The following AMOT variants were observed in gnomAD, a reference collection of about 807,000 sequenced individuals.
AMOT encodes angiomotin.
A neutral mutation model predicts 67.0 loss-of-function variants in AMOT; 11 were observed. That is an observed-to-expected ratio of 0.16 (90% CI 0.10 to 0.27). The LOEUF (loss-of-function observed/expected upper bound fraction) is 0.27, where lower values mean the gene tolerates loss of function less well. Among genes scored for constraint, AMOT ranks in the 10% least tolerant of loss-of-function variants. AMOT has a pLI of 1.00. For synonymous variants in AMOT, 326 were observed against 321.4 expected, an observed-to-expected ratio of 1.01 and a Z score of -0.15; for missense variants, 753 against 852.0, an observed-to-expected ratio of 0.88 and a Z score of 1.45.
At position 112,822,951 on chromosome X, in the gene AMOT, C is replaced by T. The variant is rs1179414667; in HGVS notation, c.176G>A (p.Ser59Asn). The change falls in exon 4 of 14, where the codon AGT becomes AAT. Residue 59 changes from serine (S) to asparagine (N), a missense_variant. Around this residue, in one of 5 missense-constraint regions of AMOT, gnomAD observed 118 missense variants for 125.9 expected, o/e 0.94. Coordinates refer to ENST00000371959, the MANE Select transcript of AMOT (RefSeq NM_001113490.2). ...PSGSGNPGPQ[S>N]DVLSPQDHHQ... ...GTGGTCTTGGGGACTCAACACATCA[C>T]TCTGAGGGCCCGGGTTCCCACTGCC... is the stretch of plus-strand genomic sequence containing the variant. 8.6e-7 allele frequency: 1 copy of T among 1,165,785 alleles called. No individual in the cohort carries two copies. The highest frequency in any genetic ancestry group is 1.1e-6 in the Non-Finnish European group (1 of 872,794).
At chrX:112,801,397 AG>A (rs1250980554) in intron 8 of AMOT, among the ~76,000 whole-genome samples, 2 of 111,548 alleles carry the variant, frequency 1.8e-5, no homozygotes, top group Non-Finnish European at 3.8e-5. Flanking sequence ...CTACTGCAAT[AG>A]GGGCACAGGG....
At chrX:112,785,530 G>C (rs1361426583) in intron 10 of AMOT, among the ~76,000 whole-genome samples, 2 of 112,278 alleles carry the variant, frequency 1.8e-5, no homozygotes, top group African/African-American at 3.2e-5. Context: ...CAAGGGAAGA[G>C]AAAAAAGTCA....
At chrX:112,806,673 T>C (rs1226342268) in intron 7 of AMOT, among the ~76,000 whole-genome samples, 2 of 111,559 alleles carry the variant, frequency 1.8e-5, no homozygotes, top group African/African-American at 6.5e-5. Context: ...AAGCTAGCAT[T>C]TGCATAAGTT....
chrX:112,839,612 C>A (rs1935237425), intron 1 of AMOT, among the ~76,000 whole-genome samples: 1 of 111,720 alleles, frequency 9.0e-6, no homozygotes, highest in Non-Finnish European at 1.9e-5. Flanking sequence ...CCAACTTTCT[C>A]TTTCCTTGCT....
rs1049620809 is a variant in AMOT, at chrX:112,811,187, C to G, written c.1537+62G>C. On this transcript the variant is annotated intron_variant, in intron 6 of 13. Transcript: ENST00000371959. Reference sequence around the variant, plus strand: ...GAGCCTAGTTGGATCCTGCTCAGCCCTTCCCTTCACCACCCTGCAGCTGCT... The same window carrying G: ...GAGCCTAGTTGGATCCTGCTCAGCCGTTCCCTTCACCACCCTGCAGCTGCT... 5 of 1,190,857 alleles carry G rather than the reference C, an allele frequency of 4.2e-6. No individual in the cohort carries two copies. In the Admixed American group the frequency reaches 1.1e-4, roughly 26 times the overall value.
rs112242511 is a variant in AMOT at position 112,804,516 on chromosome X, G to T, written c.1776+431C>A. Among the ~76,000 whole-genome samples the T allele has an allele frequency of 7.5e-3, 833 of 111,806 alleles. 11 individuals are homozygous for T. The highest frequency in any genetic ancestry group is 0.025 in the African/African-American group (782 of 30,780). On this transcript the variant is annotated intron_variant, in intron 8 of 13. Transcript: ENST00000371959. ...TTAGAGTACTTTAAGCTACCTAGAA[G>T]TATTTTCTAGTTTTATAAAGTTTTA...
rs1934354419 is a variant in AMOT at position 112,811,185 on chromosome X, C to T, written c.1537+64G>A. ...AAGAGCCTAGTTGGATCCTGCTCAG[C>T]CCTTCCCTTCACCACCCTGCAGCTG... is the stretch of plus-strand genomic sequence containing the variant. On this transcript the variant is annotated intron_variant, in intron 6 of 13. Transcript: ENST00000371959. The T allele has an allele frequency of 2.5e-6, 3 of 1,187,955 alleles. No individual in the cohort carries two copies. In the East Asian group the frequency reaches 9.0e-5, roughly 36 times the overall value.
chrX:112,792,897 A>C (rs1026522435), intron 8 of AMOT, among the ~76,000 whole-genome samples: 1 of 111,288 alleles, frequency 9.0e-6, no homozygotes, highest in Non-Finnish European at 1.9e-5. Flanking sequence ...GTTCTTTGCA[A>C]CCTTGTAGCT....
chrX:112,803,095 G>C (rs1934064182), intron 8 of AMOT, among the ~76,000 whole-genome samples: 1 of 111,520 alleles, frequency 9.0e-6, no homozygotes, highest in Non-Finnish European at 1.9e-5. Flanking sequence ...CTTTTGAAAA[G>C]AAAGGCCCGA....
chrX:112,828,313 C>A (rs1934894171), intron 2 of AMOT, among the ~76,000 whole-genome samples: 1 of 106,017 alleles, frequency 9.4e-6, no homozygotes, highest in Non-Finnish European at 1.9e-5. Flanking sequence ...TACTAACAGA[C>A]CTTGTACATG....
At chrX:112,829,768 C>T in intron 2 of AMOT, among the ~76,000 whole-genome samples, 1 of 111,366 alleles carries the variant, frequency 9.0e-6, no homozygotes, top group East Asian at 2.8e-4. Context: ...AAGCAATTAC[C>T]TTAAACATGT....
chrX:112,786,312 C>T (rs1053234518), intron 10 of AMOT, among the ~76,000 whole-genome samples: 2 of 112,280 alleles, frequency 1.8e-5, no homozygotes, highest in African/African-American at 6.5e-5. Context: ...AAACATTACA[C>T]ATTCTGAGAA....
At chrX:112,840,354 G>C (rs911741439) in intron 1 of AMOT, 98 bp downstream of exon 1, 1 of 112,333 alleles carries the variant, frequency 8.9e-6, no homozygotes. Flanking sequence ...TCCCACACGC[G>C]CCTAGATCGA....
intron 7 of AMOT, 31 bp downstream of exon 7, chrX:112,809,863 T>C (rs374338315): frequency 8.5e-6 from 10 of 1,172,774 alleles, no homozygotes; most frequent in Non-Finnish European, 1.2e-5. Context: ...ATCCACACGT[T>C]AATACCTGTT....
At chrX:112,792,614 A>T (rs1933650585) in intron 8 of AMOT, among the ~76,000 whole-genome samples, 1 of 111,860 alleles carries the variant, frequency 8.9e-6, no homozygotes, top group South Asian at 3.8e-4. Context: ...TAAAGGCGTC[A>T]CGTGATGGGT....
In AMOT at chrX:112,815,653, T is replaced by C; in HGVS notation, c.1097A>G (p.His366Arg). The C allele has an allele frequency of 8.4e-7, 1 of 1,186,689 alleles. No homozygotes were observed. Among genetic ancestry groups the C allele is most frequent in the African/African-American group, 1.8e-5 (1 of 56,841 alleles). The change falls in exon 5 of 14, where the codon CAT (histidine) becomes CGT (arginine). Residue 366 changes from histidine (H) to arginine (R), a missense_variant. Physicochemically the swap from His to Arg is conservative, Grantham distance 29. This residue lies in a region of AMOT where 297 missense variants were observed against 284.3 expected (regional missense o/e 1.04). Transcript: ENST00000371959. ...CAGGCCAGGTTGGGAGAGACGGTAA[T>C]GATCCCCCTGGTGAGCCTGATTAGG... ...FLPNQAHQGD[H>R]YRLSQPGLSQ...
chrX:112,815,371 G>C lies in AMOT; in HGVS notation c.1379C>G (p.Ala460Gly), dbSNP rs200348859. 172 of 1,207,394 alleles carry C rather than the reference G, an allele frequency of 1.4e-4. No individual in the cohort carries two copies. The highest frequency in any genetic ancestry group is 9.2e-4 in the Middle Eastern group (4 of 4,337). Residue 460 changes from alanine to glycine, a missense_variant, in exon 5 of 14, where the codon GCA (alanine) becomes GGA (glycine). Around this residue, in one of 5 missense-constraint regions of AMOT, gnomAD observed 297 missense variants for 284.3 expected, o/e 1.04. Transcript: ENST00000371959. ...CGGAAGCCTCACCTTCTGCAGTCTTGCCACCTTCTCATAGCATCCTTCCAA... is the reference window on the plus strand; with the variant it reads ...CGGAAGCCTCACCTTCTGCAGTCTTCCCACCTTCTCATAGCATCCTTCCAA... ...QELEGCYEKV[A>G]RLQKVETEIQ... is the part of the protein sequence containing the mutation.
chrX:112,820,351 T>C (rs754682121), intron 4 of AMOT, among the ~76,000 whole-genome samples: 1 of 110,786 alleles, frequency 9.0e-6, no homozygotes, highest in African/African-American at 3.3e-5. Flanking sequence ...AAAATATGTA[T>C]CTTCCTGTAA....
rs779793740 is a variant in AMOT at position 112,815,841 on chromosome X, C to T, written c.909G>A (p.Arg303=). 1 of 1,166,722 alleles carries T rather than the reference C, an allele frequency of 8.6e-7. No individual in the cohort carries two copies. The highest frequency in any genetic ancestry group is 1.1e-6 in the Non-Finnish European group (1 of 872,736). Residue 303 remains arginine, a synonymous_variant, in exon 5 of 14, where the codon AGG becomes AGA. Transcript: ENST00000371959. ...AAGTAGGGCTGTGAGGCTGCGAGTT[C>T]CTGGCTGACAATGGCAATGAGATGT... ...AQDISLPLSA[R]NSQPHSPTSS...
Sources: allele counts gnomAD v4.1 joint callset (sites outside exome capture counted in the v4.1 genomes callset), GRCh38; gene constraint gnomAD v4.1.1; regional missense constraint gnomAD v4.1.1; transcripts MANE v1.5; gene names NCBI Gene and HGNC (gene_info 2026-07-23, HGNC 2026-07-21).